Variants in ALDH1A2 observed in about 807,000 individuals in gnomAD.
ALDH1A2 encodes the protein aldehyde dehydrogenase 1 family member A2, also known as retinal dehydrogenase 2.
ALDH1A2 carries 27 observed loss-of-function variants against 60.3 expected under a neutral mutation model. The ratio of observed to expected loss-of-function variants is 0.45; its 90% CI spans 0.33 to 0.62. The LOEUF is 0.62. Among genes scored for constraint, ALDH1A2 ranks in the 20% least tolerant of loss-of-function variants. The pLI is 0.02. For synonymous variants in ALDH1A2, 289 were observed against 232.4 expected (o/e 1.24, Z -2.21); for missense variants, 581 against 643.8 (o/e 0.90, Z 1.06).
intron 1 of ALDH1A2, among the ~76,000 whole-genome samples, chr15:58,024,791 G>A (rs1896032656): frequency 6.6e-6 from 1 of 152,070 alleles, no homozygotes; most frequent in South Asian, 2.1e-4. Context: ...CCATATGTTG[G>A]ACCACAAAAT....
chr15:57,979,836 G>C (rs1894422670), intron 7 of ALDH1A2: 1 of 273,926 alleles, frequency 3.7e-6, no homozygotes, highest in South Asian at 5.1e-5. Context: ...AGTACTTGGG[G>C]TCACATATAT....
intron 8 of ALDH1A2, 24 bp downstream of exon 8, chr15:57,965,701 G>A: frequency 6.5e-7 from 1 of 1,536,880 alleles, no homozygotes; most frequent in Non-Finnish European, 9.0e-7. Flanking sequence ...GGTGGTTCAT[G>A]TATGGGACCT....
chr15:57,977,298 T>C (rs139141874), intron 7 of ALDH1A2, among the ~76,000 whole-genome samples: 36 of 152,332 alleles, frequency 2.4e-4, no homozygotes, highest in Admixed American at 1.4e-3. Context: ...TTTGGTGTTC[T>C]AGTCATGAAG....
chr15:57,994,298 T>C (rs1894983172), intron 5 of ALDH1A2, among the ~76,000 whole-genome samples: 1 of 152,180 alleles, frequency 6.6e-6, no homozygotes, highest in African/African-American at 2.4e-5. Flanking sequence ...TTCAAATAAA[T>C]ATTATATCTT....
At chr15:58,043,798 C>G (rs1896575267) in intron 1 of ALDH1A2, among the ~76,000 whole-genome samples, 1 of 151,874 alleles carries the variant, frequency 6.6e-6, no homozygotes, top group South Asian at 2.1e-4. Flanking sequence ...ACAGCCAAGT[C>G]CTATTAAAGC....
chr15:58,042,035 G>A (rs1309323169), intron 1 of ALDH1A2, among the ~76,000 whole-genome samples: 2 of 151,810 alleles, frequency 1.3e-5, no homozygotes, highest in Non-Finnish European at 2.9e-5. Context: ...ACTGTATTAG[G>A]ATTTGAACAT....
chr15:57,970,332 A>G (rs1332597180), intron 7 of ALDH1A2, among the ~76,000 whole-genome samples: 2 of 152,214 alleles, frequency 1.3e-5, no homozygotes, highest in African/African-American at 4.8e-5. Flanking sequence ...ATGCAAGGGC[A>G]GTGAACTGGG....
intron 1 of ALDH1A2, among the ~76,000 whole-genome samples, chr15:58,049,499 G>A (rs1896720214): frequency 6.6e-6 from 1 of 152,016 alleles, no homozygotes; most frequent in South Asian, 2.1e-4. Context: ...ATCAATTCAA[G>A]GCAATTTATG....
intron 1 of ALDH1A2, among the ~76,000 whole-genome samples, chr15:58,029,943 T>C (rs985487918): frequency 6.6e-6 from 1 of 152,182 alleles, no homozygotes; most frequent in Non-Finnish European, 1.5e-5. Context: ...AGTGCAATTC[T>C]AACAGAGGTA....
At position 57,954,869 on chromosome 15, in the gene ALDH1A2, G is replaced by C. The variant is rs1893464686; in HGVS notation, c.*328C>G. 1 of 369,708 alleles carries C rather than the reference G, an allele frequency of 2.7e-6. No individual in the cohort carries two copies. Among genetic ancestry groups the C allele is most frequent in the East Asian group, 5.6e-5 (1 of 17,870 alleles). 22.9% of individuals were successfully genotyped at this position (369,708 alleles called of 1,614,324 possible). A position where few individuals can be genotyped will look rare whatever the true frequency, so the allele number is the denominator to read the frequency against. ...CCTTTCCTTGAGAGGAAAGTTCTTT[G>C]TGACAAAGACATGAAATAATACAGC... On this transcript the variant is annotated 3_prime_UTR_variant, in exon 13 of 13. Transcript: ENST00000249750.
intron 1 of ALDH1A2, among the ~76,000 whole-genome samples, chr15:58,049,702 C>G (rs1055375722): frequency 2.6e-5 from 4 of 152,040 alleles, no homozygotes; most frequent in African/African-American, 9.7e-5. Flanking sequence ...CTGACACTGC[C>G]ATAGAGACAG....
chr15:58,024,862 A>C (rs1225352183), intron 1 of ALDH1A2, among the ~76,000 whole-genome samples: 1 of 152,248 alleles, frequency 6.6e-6, no homozygotes, highest in Non-Finnish European at 1.5e-5. Flanking sequence ...AAGGAATAAA[A>C]CTAGAAATCA....
chr15:58,030,203 G>A (rs1189093975), intron 1 of ALDH1A2, among the ~76,000 whole-genome samples: 2 of 152,168 alleles, frequency 1.3e-5, no homozygotes, highest in African/African-American at 4.8e-5. Context: ...AATCAAGTTG[G>A]CTTCATCCCT....
At chr15:58,032,068 C>T (rs557179167) in intron 1 of ALDH1A2, among the ~76,000 whole-genome samples, 19 of 151,930 alleles carry the variant, frequency 1.3e-4, no homozygotes, top group Admixed American at 3.9e-4. Context: ...ATGTTTATCG[C>T]GGCACTATTC....
chr15:57,980,470 G>A (rs1358054919), intron 7 of ALDH1A2: 1 of 305,252 alleles, frequency 3.3e-6, no homozygotes, highest in Non-Finnish European at 6.8e-6. Flanking sequence ...GTATGCATAA[G>A]ATAATCCCGT....
intron 10 of ALDH1A2, 66 bp downstream of exon 10, chr15:57,961,946 A>G (rs1289183495): frequency 3.2e-6 from 5 of 1,585,466 alleles, no homozygotes; most frequent in Non-Finnish European, 4.3e-6. Context: ...AATATCATCC[A>G]CTAGAAATGC....
chr15:57,985,072 T>C (rs1197402004), intron 7 of ALDH1A2, among the ~76,000 whole-genome samples: 5 of 152,356 alleles, frequency 3.3e-5, no homozygotes, highest in African/African-American at 1.2e-4. Context: ...TGTTGGTATA[T>C]AGTTTTCTTG....
chr15:58,054,019 G>C (rs959036125), intron 1 of ALDH1A2, among the ~76,000 whole-genome samples: 13 of 152,068 alleles, frequency 8.5e-5, no homozygotes, highest in African/African-American at 2.9e-4. Flanking sequence ...TTCTCAGGAG[G>C]GCTCCCAGAA....
intron 7 of ALDH1A2, among the ~76,000 whole-genome samples, chr15:57,970,388 G>A (rs74017087): frequency 8.3e-4 from 126 of 152,308 alleles, no homozygotes; most frequent in African/African-American, 2.9e-3. Context: ...CAGCAGGAAT[G>A]CTGGCACAGT....
Sources: allele counts gnomAD v4.1 joint callset (sites outside exome capture counted in the v4.1 genomes callset), GRCh38; gene constraint gnomAD v4.1.1; transcripts MANE v1.5; gene names NCBI Gene and HGNC (gene_info 2026-07-23, HGNC 2026-07-21).